Variants in CHMP4B observed in about 807,000 individuals in gnomAD.
CHMP4B encodes the protein SNF7 homolog associated with Alix 1.
CHMP4B carries 1 observed loss-of-function variant against 25.1 expected under a neutral mutation model. The observed-to-expected ratio is 0.04, with a 90% CI of 0.01 to 0.19. The LOEUF is 0.19. Among genes scored for constraint, CHMP4B ranks in the 10% least tolerant of loss-of-function variants. The pLI is 1.00. For missense variants in CHMP4B, 151 were observed against 289.7 expected, an observed-to-expected ratio of 0.52 and a Z score of 3.48; for synonymous variants, 101 against 115.6, an observed-to-expected ratio of 0.87 and a Z score of 0.81.
chr20:33,830,933 G>GTTTTTTTGTTTTTT (rs1979223711), intron 1 of CHMP4B, among the ~76,000 whole-genome samples: 1 of 102,522 alleles, frequency 9.8e-6, no homozygotes, highest in Non-Finnish European at 1.9e-5. Flanking sequence ...AAGGAACAGA[G>GTTTTTTTGTTTTTT]TTTTTTTTTT....
At chr20:33,817,521 G>A (rs919798332) in intron 1 of CHMP4B, among the ~76,000 whole-genome samples, 2 of 152,222 alleles carry the variant, frequency 1.3e-5, no homozygotes, top group Admixed American at 1.3e-4. Context: ...GGGTTTGAGT[G>A]TGGAGCGAGG....
At chr20:33,812,028 C>T (rs148319506) in intron 1 of CHMP4B, among the ~76,000 whole-genome samples, 86 of 152,232 alleles carry the variant, frequency 5.6e-4, no homozygotes, top group South Asian at 1.0e-3. Context: ...TCATTTCTGC[C>T]CCCATCCTAG....
At chr20:33,830,513 TC>T (rs1283553104) in intron 1 of CHMP4B, among the ~76,000 whole-genome samples, 1 of 152,196 alleles carries the variant, frequency 6.6e-6, no homozygotes, top group East Asian at 1.9e-4. Context: ...AGAGCCCTCT[TC>T]CCAGCTGGAA....
intron 1 of CHMP4B, among the ~76,000 whole-genome samples, chr20:33,837,250 C>A (rs145118578): frequency 6.6e-4 from 100 of 152,062 alleles, no homozygotes; most frequent in Non-Finnish European, 1.1e-3. Context: ...ATTTCGGAGG[C>A]TGAGATGGGA....
chr20:33,853,064 A>G (rs1979900315), intron 4 of CHMP4B, among the ~76,000 whole-genome samples: 1 of 152,140 alleles, frequency 6.6e-6, no homozygotes, highest in Middle Eastern at 3.2e-3. Context: ...TCAGCTGCCT[A>G]GAGTCCTGTG....
chr20:33,817,317 G>T (rs1462165610), intron 1 of CHMP4B, among the ~76,000 whole-genome samples: 2 of 152,252 alleles, frequency 1.3e-5, no homozygotes, highest in Non-Finnish European at 2.9e-5. Flanking sequence ...AAACACACTG[G>T]TTCCTTTAAT....
intron 1 of CHMP4B, among the ~76,000 whole-genome samples, chr20:33,817,294 G>A (rs1425515998): frequency 6.6e-6 from 1 of 152,270 alleles, no homozygotes; most frequent in Non-Finnish European, 1.5e-5. Context: ...GAGGCCCTAT[G>A]TGTTGGCTAT....
chr20:33,831,888 TG>T (rs1412953933), intron 1 of CHMP4B, among the ~76,000 whole-genome samples: 2 of 152,116 alleles, frequency 1.3e-5, no homozygotes, highest in Non-Finnish European at 1.5e-5. Context: ...GTCTGACCTG[TG>T]CCCCATTTTT....
At chr20:33,823,623 C>T (rs867358474) in intron 1 of CHMP4B, among the ~76,000 whole-genome samples, 21 of 152,150 alleles carry the variant, frequency 1.4e-4, no homozygotes, top group Non-Finnish European at 2.5e-4. Context: ...TTGCAACCTC[C>T]GCCTCCCAGA....
At chr20:33,815,859 AC>A (rs560934817) in intron 1 of CHMP4B, among the ~76,000 whole-genome samples, 2 of 152,302 alleles carry the variant, frequency 1.3e-5, no homozygotes, top group South Asian at 4.1e-4. Context: ...TGTCATCATG[AC>A]CATCACCATG....
chr20:33,825,971 GGTT>G (rs1385305677), intron 1 of CHMP4B, among the ~76,000 whole-genome samples: 6 of 152,144 alleles, frequency 3.9e-5, no homozygotes, highest in African/African-American at 7.2e-5. Flanking sequence ...AAGGAAAAAA[GGTT>G]GTTAAGTTCC....
At chr20:33,819,137 C>T (rs1341951968) in intron 1 of CHMP4B, among the ~76,000 whole-genome samples, 1 of 152,116 alleles carries the variant, frequency 6.6e-6, no homozygotes, top group African/African-American at 2.4e-5. Context: ...GTCTTGAACT[C>T]CTGACCTCAA....
At chr20:33,850,907 C>T (rs745354594) in intron 2 of CHMP4B, 45 bp from the exon 3 acceptor site, 25 of 1,423,168 alleles carry the variant, frequency 1.8e-5, no homozygotes, top group Non-Finnish European at 2.4e-5. Flanking sequence ...GCCCCCTTTA[C>T]GCAGCCTAAT....
chr20:33,822,071 C>T (rs1446767435), intron 1 of CHMP4B, among the ~76,000 whole-genome samples: 1 of 151,660 alleles, frequency 6.6e-6, no homozygotes, highest in Non-Finnish European at 1.5e-5. Context: ...GCCATCCACC[C>T]ACCTTGGCCT....
chr20:33,842,648 T>A (rs2122807684), intron 1 of CHMP4B, among the ~76,000 whole-genome samples: 1 of 152,308 alleles, frequency 6.6e-6, no homozygotes, highest in South Asian at 2.1e-4. Flanking sequence ...GTAAGTGTCC[T>A]CAGGACCTCA....
chr20:33,811,379 A>T lies in CHMP4B; in HGVS notation c.-90A>T. ...GCCTGCGGCGGCAGGGAGCGGCGGG[A>T]CTGGGAGCGGGCGCCGGAGCCGACC... On this transcript the variant is annotated 5_prime_UTR_variant, in exon 1 of 5. Transcript: ENST00000217402. 4 of 1,125,584 alleles carry T rather than the reference A, an allele frequency of 3.6e-6. No homozygotes were observed. Among genetic ancestry groups the T allele is most frequent in the Non-Finnish European group, 4.5e-6 (4 of 881,496 alleles). The allele number at this position is 1,125,584 out of a possible 1,614,324, so 69.7% of individuals were successfully genotyped here.
intron 1 of CHMP4B, among the ~76,000 whole-genome samples, chr20:33,827,847 C>T (rs558647333): frequency 6.6e-6 from 1 of 152,268 alleles, no homozygotes; most frequent in South Asian, 2.1e-4. Flanking sequence ...GGATTTGTCT[C>T]CTGTGTGAGG....
At chr20:33,824,527 G>C (rs1979033966) in intron 1 of CHMP4B, among the ~76,000 whole-genome samples, 1 of 152,190 alleles carries the variant, frequency 6.6e-6, no homozygotes, top group Non-Finnish European at 1.5e-5. Flanking sequence ...ATTACATTCT[G>C]GAATGGCTTG....
chr20:33,844,268 C>T (rs1387550370), intron 1 of CHMP4B, among the ~76,000 whole-genome samples: 2 of 152,068 alleles, frequency 1.3e-5, no homozygotes, highest in East Asian at 1.9e-4. Context: ...CAGAGGTGCA[C>T]GGGAGATAAA....
Sources: gnomAD v4.1 joint callset for allele counts (sites outside exome capture counted in the v4.1 genomes callset) on GRCh38, gnomAD v4.1.1 for gene constraint, MANE v1.5 for transcripts, NCBI Gene and HGNC (gene_info 2026-07-23, HGNC 2026-07-21) for gene names.